Variants in RTN1 observed in about 807,000 individuals in gnomAD.
RTN1 encodes the protein reticulon 1.
In RTN1, 25 loss-of-function variants were observed where a neutral mutation model predicts 65.5. The ratio of observed to expected loss-of-function variants is 0.38; its 90% CI spans 0.28 to 0.53. The LOEUF (loss-of-function observed/expected upper bound fraction) is 0.53, where lower values mean the gene tolerates loss of function less well. Among genes scored for constraint, RTN1 ranks in the 20% least tolerant of loss-of-function variants. The probability of loss-of-function intolerance (pLI) is 0.79; values close to 1 mark genes in which losing one functional copy is unlikely to be tolerated. For missense variants in RTN1, 983 were observed against 1,025.4 expected, an observed-to-expected ratio of 0.96 and a Z score of 0.57; for synonymous variants, 471 against 447.6, an observed-to-expected ratio of 1.05 and a Z score of -0.66.
chr14:59,673,216 G>A (rs569615336), intron 3 of RTN1, among the ~76,000 whole-genome samples: 1 of 152,302 alleles, frequency 6.6e-6, no homozygotes, highest in South Asian at 2.1e-4. Context: ...TGCTTGGGGA[G>A]TCCCAAGGTC....
intron 3 of RTN1, among the ~76,000 whole-genome samples, chr14:59,712,960 C>T (rs1884455508): frequency 6.6e-6 from 1 of 151,812 alleles, no homozygotes; most frequent in African/African-American, 2.4e-5. Context: ...TCCCAAAGCC[C>T]CATCTCATTG....
chr14:59,707,236 G>T (rs573305194), intron 3 of RTN1, among the ~76,000 whole-genome samples: 3 of 152,274 alleles, frequency 2.0e-5, no homozygotes, highest in Admixed American at 2.0e-4. Context: ...AATGACAAGG[G>T]TCTATCTTTA....
chr14:59,780,701 C>G (rs1479201756), intron 1 of RTN1, among the ~76,000 whole-genome samples: 1 of 152,080 alleles, frequency 6.6e-6, no homozygotes, highest in African/African-American at 2.4e-5. Flanking sequence ...CTCATTGCTT[C>G]TCACAAATAA....
intron 1 of RTN1, among the ~76,000 whole-genome samples, chr14:59,750,313 A>ATT (rs1313085378): frequency 4.8e-5 from 1 of 20,880 alleles, no homozygotes; most frequent in African/African-American, 2.3e-4. Context: ...TATAATATAT[A>ATT]ATATCTATAA....
intron 3 of RTN1, among the ~76,000 whole-genome samples, chr14:59,640,328 T>A (rs1882750606): frequency 6.6e-6 from 1 of 152,172 alleles, no homozygotes; most frequent in African/African-American, 2.4e-5. Flanking sequence ...TTTATTTATT[T>A]ATTTTTTGAG....
intron 3 of RTN1, among the ~76,000 whole-genome samples, chr14:59,636,923 G>T (rs1198036574): frequency 6.6e-6 from 1 of 152,188 alleles, no homozygotes; most frequent in Non-Finnish European, 1.5e-5. Context: ...CTGGTGGAGG[G>T]TCTTGCCTCG....
intron 1 of RTN1, among the ~76,000 whole-genome samples, chr14:59,764,677 C>T (rs1447791267): frequency 2.6e-5 from 4 of 152,078 alleles, no homozygotes; most frequent in African/African-American, 7.2e-5. Context: ...ACTAGAAGTA[C>T]ATAAGTTTAA....
At chr14:59,747,806 A>T (rs931707572) in intron 1 of RTN1, among the ~76,000 whole-genome samples, 1 of 152,094 alleles carries the variant, frequency 6.6e-6, no homozygotes, top group Non-Finnish European at 1.5e-5. Flanking sequence ...CTACATACAA[A>T]CACATTACAC....
chr14:59,846,185 T>C lies in RTN1; in HGVS notation c.241+24205A>G, dbSNP rs1012357400. 2.0e-5 allele frequency among the ~76,000 whole-genome samples: 3 copies of C among 152,146 alleles called. No individual in the cohort carries two copies. The highest frequency in any genetic ancestry group is 4.4e-5 in the Non-Finnish European group (3 of 68,018). ...GAGGATGATGCAAGAAGAGAACCAGTACCACAGCTGTGACTTCTTCCTTAC... is the reference window on the plus strand; with the variant it reads ...GAGGATGATGCAAGAAGAGAACCAGCACCACAGCTGTGACTTCTTCCTTAC... On this transcript the variant is annotated intron_variant, in intron 1 of 8. Coordinates refer to ENST00000267484, the MANE Select transcript of RTN1 (RefSeq NM_021136.3). The surrounding 1 kb of genome is among the most constrained non-coding windows in gnomAD (Gnocchi z 4.8).
rs1882521720 is a variant in RTN1 at position 59,630,569 on chromosome 14, T to G, written c.1766-23077A>C. The G allele has an allele frequency of 2.5e-6, 4 of 1,605,980 alleles. No homozygotes were observed. The Middle Eastern group carries it at 5.2e-4, about 209-fold the overall frequency. On this transcript the variant is annotated intron_variant, in intron 3 of 8. Transcript: ENST00000267484. ...GGGCGCCGAGCGTGCACTCAAGCGTTGGTGCCCGGCTGCTGCGGCTGGGCT... is the reference window on the plus strand; with the variant it reads ...GGGCGCCGAGCGTGCACTCAAGCGTGGGTGCCCGGCTGCTGCGGCTGGGCT...
At chr14:59,856,986 C>T (rs923568571) in intron 1 of RTN1, among the ~76,000 whole-genome samples, 5 of 152,124 alleles carry the variant, frequency 3.3e-5, no homozygotes, top group African/African-American at 1.2e-4. Context: ...GTCTTGCCCA[C>T]ATTGACATGA....
intron 1 of RTN1, among the ~76,000 whole-genome samples, chr14:59,853,412 G>T (rs537923045): frequency 2.0e-5 from 3 of 152,238 alleles, no homozygotes; most frequent in Admixed American, 1.3e-4. Flanking sequence ...ACATAAACAT[G>T]CCCAGACCCT....
At chr14:59,842,157 A>AG (rs1413355294) in intron 1 of RTN1, among the ~76,000 whole-genome samples, 1 of 151,988 alleles carries the variant, frequency 6.6e-6, no homozygotes, top group Non-Finnish European at 1.5e-5. Context: ...AAAAAAAAAA[A>AG]GAAAGCAAGT....
At position 59,870,320 on chromosome 14, in the gene RTN1, G is replaced by A. The variant is rs545408634; in HGVS notation, c.241+70C>T. On this transcript the variant is annotated intron_variant, in intron 1 of 8. Transcript: ENST00000267484. This position sits in a 1 kb window ranked among gnomAD's most constrained non-coding sequence, Gnocchi z 5.1. ...CGCGAGGCAGGTGCCCAGGAGAGCC[G>A]CGCAGAAGGGGACTGACTGGGGGGC... is the stretch of plus-strand genomic sequence containing the variant. 1.5e-6 allele frequency: 2 copies of A among 1,359,864 alleles called. No individual in the cohort carries two copies. Among genetic ancestry groups the A allele is most frequent in the East Asian group, 2.9e-5 (1 of 34,830 alleles). The allele number at this position is 1,359,864 out of a possible 1,614,324, so 84.2% of individuals were successfully genotyped here. A position where few individuals can be genotyped will look rare whatever the true frequency, so the allele number is the denominator to read the frequency against.
chr14:59,819,425 ACCCCCCACCC>A (rs1886892241), intron 1 of RTN1, among the ~76,000 whole-genome samples: 3 of 14,830 alleles, frequency 2.0e-4, no homozygotes, highest in African/African-American at 1.3e-3. Context: ...CCCCCCCCCC[ACCCCCCACCC>A]CCCCCCCCCG....
chr14:59,847,199 T>C (rs1887425946), intron 1 of RTN1, among the ~76,000 whole-genome samples: 1 of 152,176 alleles, frequency 6.6e-6, no homozygotes, highest in Admixed American at 6.5e-5. Context: ...TAAAATATCA[T>C]TGTTTCTTTA....
chr14:59,780,320 T>C (rs998235996), intron 1 of RTN1, among the ~76,000 whole-genome samples: 1 of 152,242 alleles, frequency 6.6e-6, no homozygotes, highest in African/African-American at 2.4e-5. Flanking sequence ...CTTCCTAGTG[T>C]GTAAACATAG....
At chr14:59,780,945 C>T (rs1886144171) in intron 1 of RTN1, among the ~76,000 whole-genome samples, 1 of 152,196 alleles carries the variant, frequency 6.6e-6, no homozygotes. Flanking sequence ...CTCCCCTCTC[C>T]CTACAGTACT....
chr14:59,819,444 C>T (rs1594755266), intron 1 of RTN1, among the ~76,000 whole-genome samples: 1 of 52,990 alleles, frequency 1.9e-5, no homozygotes, highest in South Asian at 9.5e-4. Flanking sequence ...CCCCCCCCCC[C>T]GGCCACAGCT....
Sources: allele counts gnomAD v4.1 joint callset (sites outside exome capture counted in the v4.1 genomes callset), GRCh38; gene constraint gnomAD v4.1.1; non-coding constraint Gnocchi (gnomAD v3.1); transcripts MANE v1.5; gene names NCBI Gene and HGNC (gene_info 2026-07-23, HGNC 2026-07-21).